The following USP7 variants were observed in gnomAD, a reference collection of about 807,000 sequenced individuals.
USP7 encodes ubiquitin C-terminal hydrolase 7.
USP7 carries 9 observed loss-of-function variants against 162.9 expected under a neutral mutation model. The ratio of observed to expected loss-of-function variants is 0.06; its 90% CI spans 0.03 to 0.10. USP7 has a LOEUF of 0.10. Ranked by LOEUF, USP7 falls within the 10% of genes least tolerant of loss-of-function variation. The pLI is 1.00. For synonymous variants in USP7, 562 were observed against 475.9 expected (o/e 1.18, Z -2.35); for missense variants, 715 against 1,373.7 (o/e 0.52, Z 7.58).
intron 12 of USP7, among the ~76,000 whole-genome samples, chr16:8,907,009 A>G (rs898579761): frequency 6.6e-6 from 1 of 152,222 alleles, no homozygotes; most frequent in African/African-American, 2.4e-5. Context: ...TACTTGACCA[A>G]ATTTCACCAT....
At chr16:8,939,761 A>G (rs1166010756) in intron 1 of USP7, among the ~76,000 whole-genome samples, 2 of 152,222 alleles carry the variant, frequency 1.3e-5, no homozygotes, top group African/African-American at 4.8e-5. Flanking sequence ...GGTAAGTTTA[A>G]TAACTCCAAA....
At chr16:8,919,245 AG>A in intron 5 of USP7, 106 bp from the exon 6 acceptor site, 1 of 1,047,848 alleles carries the variant, frequency 9.5e-7, no homozygotes, top group South Asian at 1.3e-5. Flanking sequence ...AACCGAGGCC[AG>A]GAACACTTAT....
chr16:8,897,722 A>ATACATAT, intron 25 of USP7, among the ~76,000 whole-genome samples: 1 of 21,630 alleles, frequency 4.6e-5, no homozygotes, highest in Non-Finnish European at 7.4e-5. Flanking sequence ...AAAAAAAAAA[A>ATACATAT]AAAAATATAT....
At chr16:8,962,294 G>A (rs559276188) in intron 1 of USP7, among the ~76,000 whole-genome samples, 4 of 152,282 alleles carry the variant, frequency 2.6e-5, no homozygotes, top group African/African-American at 9.6e-5. Flanking sequence ...AAGACCATTT[G>A]GACTTTGCTT....
At chr16:8,952,367 C>G (rs1899593337) in intron 1 of USP7, among the ~76,000 whole-genome samples, 1 of 152,194 alleles carries the variant, frequency 6.6e-6, no homozygotes, top group African/African-American at 2.4e-5. Context: ...TCTGGGTGAC[C>G]CAGGTAAGTT....
chr16:8,952,115 T>G (rs39864), intron 1 of USP7, among the ~76,000 whole-genome samples: 142,539 of 152,068 alleles, frequency 0.94, 67,412 homozygotes, highest in Non-Finnish European at 1. Context: ...AATGGCCAGG[T>G]GTGGTGTGCC....
intron 23 of USP7, 63 bp from the exon 24 acceptor site, chr16:8,898,702 G>C: frequency 7.3e-7 from 1 of 1,369,184 alleles, no homozygotes; most frequent in Non-Finnish European, 9.9e-7. Flanking sequence ...AAATATCTGT[G>C]AGTGAGCATA....
At chr16:8,910,065 T>G (rs2061920987) in intron 11 of USP7, among the ~76,000 whole-genome samples, 1 of 152,198 alleles carries the variant, frequency 6.6e-6, no homozygotes. Flanking sequence ...CTGGCAGGCT[T>G]TGTAAGCACA....
At chr16:8,926,248 C>G (rs1311814089) in intron 2 of USP7, among the ~76,000 whole-genome samples, 1 of 151,972 alleles carries the variant, frequency 6.6e-6, no homozygotes, top group South Asian at 2.1e-4. Context: ...GAGGCAGAGG[C>G]GGGCGGATAA....
At chr16:8,894,506 A>G (rs578088087) in intron 30 of USP7, 44 bp downstream of exon 30, 2 of 1,582,804 alleles carry the variant, frequency 1.3e-6, no homozygotes, top group African/African-American at 1.4e-5. Flanking sequence ...CTTGTTTCTT[A>G]GTCTGAAACC....
chr16:8,899,868 G>A, intron 21 of USP7, 111 bp from the exon 22 acceptor site: 1 of 1,324,598 alleles, frequency 7.5e-7, no homozygotes, highest in Non-Finnish European at 1.1e-6. Flanking sequence ...TCTCTTGCAA[G>A]ATAAATTCAG....
At chr16:8,943,645 A>G (rs556629874) in intron 1 of USP7, among the ~76,000 whole-genome samples, 1 of 152,342 alleles carries the variant, frequency 6.6e-6, no homozygotes, top group African/African-American at 2.4e-5. Context: ...GCCCACCAGT[A>G]CTGAAGGTCT....
chr16:8,918,972 A>T, intron 6 of USP7, 59 bp downstream of exon 6: 1 of 1,567,752 alleles, frequency 6.4e-7, no homozygotes, highest in Non-Finnish European at 8.8e-7. Flanking sequence ...CTTTGCTCTG[A>T]TATACCTGAG....
In USP7 at chr16:8,898,355, C is replaced by A; in HGVS notation, c.2718+5G>T. 1 of 1,600,088 alleles carries A rather than the reference C, an allele frequency of 6.2e-7. No homozygotes were observed. The highest frequency in any genetic ancestry group is 2.2e-5 in the East Asian group (1 of 44,824). On this transcript the variant is annotated splice_donor_5th_base_variant and intron_variant, in intron 25 of 30. Transcript: ENST00000344836. Reference sequence around the variant, plus strand: ...ATTAAAATTCATAGTATTAAAAAAACTTACCTCTTCCCTAAATTGGCTGTT... The same window carrying A: ...ATTAAAATTCATAGTATTAAAAAAAATTACCTCTTCCCTAAATTGGCTGTT...
At chr16:8,951,356 C>T (rs1899539071) in intron 1 of USP7, among the ~76,000 whole-genome samples, 1 of 18,900 alleles carries the variant, frequency 5.3e-5, no homozygotes, top group South Asian at 1.8e-3. Flanking sequence ...TTTCCTTCCA[C>T]CTTGTGAAAG....
chr16:8,895,496 G>T, intron 27 of USP7, 146 bp downstream of exon 27: 1 of 777,506 alleles, frequency 1.3e-6, no homozygotes, highest in Non-Finnish European at 2.1e-6. Flanking sequence ...CAAAAACACT[G>T]TAGGTCCACT....
At position 8,898,414 on chromosome 16, in the gene USP7, A is replaced by G; in HGVS notation, c.2664T>C (p.Phe888=). 8 of 1,613,370 alleles carry G rather than the reference A, an allele frequency of 5.0e-6. 1 individual carries two copies. The highest frequency in any genetic ancestry group is 6.8e-6 in the Non-Finnish European group (8 of 1,179,922). The change falls in exon 25 of 31, where the codon TTT becomes TTC. Residue 888 remains phenylalanine, a synonymous_variant. Coordinates refer to ENST00000344836, the MANE Select transcript of USP7 (RefSeq NM_003470.3). ...YQQLKMKITD[F]ENRRSFKCIW... is the part of the protein sequence containing the mutation. ...TACATTTAAAACTTCGCCTGTTCTC[A>G]AAGTCTGTGATTTTCATCTTAAGCT...
At chr16:8,909,477 A>T (rs1377713379) in intron 11 of USP7, among the ~76,000 whole-genome samples, 2 of 152,230 alleles carry the variant, frequency 1.3e-5, no homozygotes, top group African/African-American at 4.8e-5. Context: ...TTTTTAATAC[A>T]GTCTGAAAGA....
intron 13 of USP7, 107 bp downstream of exon 13, chr16:8,906,319 G>T: frequency 2.2e-6 from 3 of 1,335,708 alleles, no homozygotes; most frequent in Non-Finnish European, 3.1e-6. Context: ...ACATAGATCA[G>T]TTAGGGGTCC....
Sources: gnomAD v4.1 joint callset for allele counts (sites outside exome capture counted in the v4.1 genomes callset) on GRCh38, gnomAD v4.1.1 for gene constraint, MANE v1.5 for transcripts, NCBI Gene and HGNC (gene_info 2026-07-23, HGNC 2026-07-21) for gene names.